ADGRL3: variants seen among roughly 807,000 people sequenced by gnomAD.
ADGRL3 encodes the protein adhesion G protein-coupled receptor L3, also known as calcium-independent alpha-latrotoxin receptor 3.
A neutral mutation model predicts 153.5 loss-of-function variants in ADGRL3; 62 were observed. The ratio of observed to expected loss-of-function variants is 0.40; its 90% CI spans 0.33 to 0.50. The LOEUF is 0.50. ADGRL3 is among the 20% of genes least tolerant of loss of function. The probability of loss-of-function intolerance (pLI) is 0.47; values close to 1 mark genes in which losing one functional copy is unlikely to be tolerated. For missense variants in ADGRL3, 1,641 were observed against 1,859.4 expected (o/e 0.88, Z 2.16); for synonymous variants, 710 against 672.5 (o/e 1.06, Z -0.86).
intron 9 of ADGRL3, among the ~76,000 whole-genome samples, chr4:61,856,958 TTC>T (rs1255752041): frequency 1.7e-4 from 11 of 66,446 alleles, no homozygotes; most frequent in African/African-American, 5.1e-4. Context: ...TTCTCTTTCT[TTC>T]TTTCTTTCTT....
Position 61,517,313 on chromosome 4 carries a change from A to C in ADGRL3, c.56-2A>C, listed in dbSNP as rs1443223713. ...TGATGGTGCGCCCTGCGGTCCCCGC[A>C]GGTGGCAAGCACAGTGAACGACATC... On this transcript the variant is annotated splice_acceptor_variant, in intron 3 of 26. Transcript: ENST00000683033. LOFTEE classifies it high-confidence loss of function. 11 of 702,508 alleles carry C rather than the reference A, an allele frequency of 1.6e-5. No individual in the cohort carries two copies. The highest frequency in any genetic ancestry group is 2.9e-5 in the Non-Finnish European group (11 of 385,150). The allele number at this position is 702,508 out of a possible 1,614,324, so 43.5% of individuals were successfully genotyped here.
chr4:61,497,515 C>CTTTTTTTTTT (rs5858707), intron 3 of ADGRL3, among the ~76,000 whole-genome samples, 167 bp downstream of exon 3: 7 of 95,322 alleles, frequency 7.3e-5, no homozygotes, highest in Admixed American at 1.2e-4. Context: ...CTTTTCTTTT[C>CTTTTTTTTTT]TTTTTTTTTT....
intron 5 of ADGRL3, among the ~76,000 whole-genome samples, chr4:61,641,170 C>T (rs577654276): frequency 4.6e-5 from 7 of 151,990 alleles, no homozygotes; most frequent in Non-Finnish European, 7.4e-5. Flanking sequence ...ATAATACCAA[C>T]CTCACACGGC....
intron 8 of ADGRL3, among the ~76,000 whole-genome samples, chr4:61,810,954 TAACTA>T (rs1208149997): frequency 1.3e-5 from 2 of 152,106 alleles, no homozygotes; most frequent in East Asian, 3.9e-4. Context: ...AATGCTGACT[TAACTA>T]TACTATCACC....
At chr4:62,068,333 T>C (rs897318783) in intron 26 of ADGRL3, 150 bp downstream of exon 26, 1 of 497,170 alleles carries the variant, frequency 2.0e-6, no homozygotes, top group Non-Finnish European at 3.3e-6. Context: ...TATAAATATA[T>C]GTTAATAGAG....
intron 21 of ADGRL3, among the ~76,000 whole-genome samples, chr4:62,012,728 C>T (rs1018902117): frequency 6.6e-6 from 1 of 152,038 alleles, no homozygotes; most frequent in Non-Finnish European, 1.5e-5. Flanking sequence ...TAGCAATGAT[C>T]GTTAAGGGCC....
intron 6 of ADGRL3, among the ~76,000 whole-genome samples, chr4:61,682,586 A>C (rs1580259356): frequency 8.0e-6 from 1 of 124,254 alleles, no homozygotes; most frequent in African/African-American, 2.8e-5. Flanking sequence ...TTTTTTGTAG[A>C]CCTAGGGTCT....
At chr4:61,372,162 T>C (rs529794376) in intron 1 of ADGRL3, among the ~76,000 whole-genome samples, 3 of 151,430 alleles carry the variant, frequency 2.0e-5, no homozygotes, top group African/African-American at 7.4e-5. Context: ...CAACTTCTTT[T>C]CCTTTGGTTT....
chr4:61,756,293 A>C (rs1477964043), intron 8 of ADGRL3, among the ~76,000 whole-genome samples: 1 of 152,002 alleles, frequency 6.6e-6, no homozygotes, highest in African/African-American at 2.4e-5. Flanking sequence ...CTTTTATTTC[A>C]TTGAGCAGTG....
chr4:61,598,144 C>T (rs578059097), intron 5 of ADGRL3, among the ~76,000 whole-genome samples: 1 of 152,074 alleles, frequency 6.6e-6, no homozygotes, highest in African/African-American at 2.4e-5. Flanking sequence ...GTTAGCATTT[C>T]CCTGCTGTGA....
At chr4:61,565,094 A>G (rs1053700397) in intron 4 of ADGRL3, among the ~76,000 whole-genome samples, 20 of 152,204 alleles carry the variant, frequency 1.3e-4, no homozygotes, top group African/African-American at 4.8e-4. Flanking sequence ...AGCACATGCC[A>G]TTGGAAAAAT....
chr4:61,441,235 T>C (rs190540320), intron 2 of ADGRL3, among the ~76,000 whole-genome samples: 16 of 152,336 alleles, frequency 1.1e-4, no homozygotes, highest in African/African-American at 3.4e-4. Context: ...TCTACTAATA[T>C]GTACTTCATA....
At chr4:61,448,063 A>G (rs1578911807) in intron 2 of ADGRL3, among the ~76,000 whole-genome samples, 1 of 152,178 alleles carries the variant, frequency 6.6e-6, no homozygotes, top group Non-Finnish European at 1.5e-5. Flanking sequence ...TGAAAGTCAG[A>G]GGAGATTTAT....
chr4:61,752,817 C>G (rs1335595584), intron 8 of ADGRL3, among the ~76,000 whole-genome samples: 1 of 152,076 alleles, frequency 6.6e-6, no homozygotes, highest in Non-Finnish European at 1.5e-5. Flanking sequence ...ACCTGTAGTC[C>G]TAGCTACTCA....
chr4:61,820,597 C>T (rs1313374748), intron 9 of ADGRL3, among the ~76,000 whole-genome samples: 1 of 152,118 alleles, frequency 6.6e-6, no homozygotes, highest in Non-Finnish European at 1.5e-5. Flanking sequence ...TTAAAACTTT[C>T]ATTATTAAAA....
At chr4:61,798,449 C>T (rs1189232352) in intron 8 of ADGRL3, among the ~76,000 whole-genome samples, 1 of 152,092 alleles carries the variant, frequency 6.6e-6, no homozygotes, top group Non-Finnish European at 1.5e-5. Context: ...TGTTGTAGGA[C>T]TGACTGCCAT....
chr4:61,972,265 T>C (rs3963663), intron 17 of ADGRL3, among the ~76,000 whole-genome samples: 130,367 of 152,004 alleles, frequency 0.86, 56,864 homozygotes, highest in Non-Finnish European at 0.94. Context: ...TGCCTAGGTT[T>C]TCTTCTAGGG....
At chr4:61,717,224 G>A (rs998576324) in intron 6 of ADGRL3, among the ~76,000 whole-genome samples, 1 of 149,820 alleles carries the variant, frequency 6.7e-6, no homozygotes, top group Non-Finnish European at 1.5e-5. Flanking sequence ...GTGTGTGCGT[G>A]TGTGTGTGTG....
At chr4:61,610,949 G>T (rs929231346) in intron 5 of ADGRL3, among the ~76,000 whole-genome samples, 1 of 151,872 alleles carries the variant, frequency 6.6e-6, no homozygotes, top group African/African-American at 2.4e-5. Flanking sequence ...ATATTCTTAG[G>T]CATAGAGAAA....
Sources: allele counts gnomAD v4.1 joint callset (sites outside exome capture counted in the v4.1 genomes callset), GRCh38; gene constraint gnomAD v4.1.1; transcripts MANE v1.5; gene names NCBI Gene and HGNC (gene_info 2026-07-23, HGNC 2026-07-21).